The following EPHA6 variants were observed in gnomAD, a reference collection of about 807,000 sequenced individuals.
EPHA6 encodes the protein ephrin type-A receptor 6.
Under a neutral mutation model 112.0 loss-of-function variants are expected in EPHA6, and 50 were observed. The observed-to-expected ratio is 0.45, with a 90% CI of 0.36 to 0.56. The LOEUF is 0.56. EPHA6 is among the 20% of genes least tolerant of loss of function. EPHA6 has a pLI of 0.00. For missense variants in EPHA6, 1,280 were observed against 1,417.4 expected (o/e 0.90, Z 1.56); for synonymous variants, 529 against 490.7 (o/e 1.08, Z -1.03).
chr3:97,299,550 T>A (rs1187430182), intron 5 of EPHA6, among the ~76,000 whole-genome samples: 1 of 152,144 alleles, frequency 6.6e-6, no homozygotes, highest in Admixed American at 6.5e-5. Context: ...TAGATGAGTA[T>A]CTTTCTTATT....
At chr3:97,019,829 T>G (rs1308547083) in intron 3 of EPHA6, among the ~76,000 whole-genome samples, 4 of 152,152 alleles carry the variant, frequency 2.6e-5, no homozygotes, top group Non-Finnish European at 5.9e-5. Flanking sequence ...TATTATATTT[T>G]TGCTTTTCTT....
At chr3:97,596,785 T>C (rs891164397) in intron 12 of EPHA6, among the ~76,000 whole-genome samples, 16 of 94,336 alleles carry the variant, frequency 1.7e-4, no homozygotes, top group African/African-American at 1.3e-3. Context: ...TACATATATA[T>C]ATATATATAT....
chr3:97,319,674 A>C (rs144070014), intron 5 of EPHA6, among the ~76,000 whole-genome samples: 2,462 of 151,166 alleles, frequency 0.016, 83 homozygotes, highest in African/African-American at 0.054. Flanking sequence ...TCTCAAAAAA[A>C]AAAAAACAAA....
At chr3:97,413,357 G>A (rs1005507495) in intron 6 of EPHA6, among the ~76,000 whole-genome samples, 2 of 151,698 alleles carry the variant, frequency 1.3e-5, no homozygotes, top group Admixed American at 6.6e-5. Flanking sequence ...TCCAAAGGGG[G>A]TTTTGGGAAC....
chr3:97,098,613 T>C (rs149617970), intron 3 of EPHA6, among the ~76,000 whole-genome samples: 56 of 152,030 alleles, frequency 3.7e-4, no homozygotes, highest in Middle Eastern at 3.4e-3. Context: ...ACCTAACTTA[T>C]GATGAAAAAG....
At chr3:97,271,115 C>T (rs893659104) in intron 5 of EPHA6, among the ~76,000 whole-genome samples, 1 of 152,186 alleles carries the variant, frequency 6.6e-6, no homozygotes, top group African/African-American at 2.4e-5. Context: ...TATATCCAAA[C>T]AGACATTTCT....
chr3:96,972,118 A>G (rs1480940868), intron 2 of EPHA6, among the ~76,000 whole-genome samples: 2 of 152,074 alleles, frequency 1.3e-5, no homozygotes, highest in Admixed American at 6.6e-5. Context: ...TAATTTAAAA[A>G]CGCATTTAGT....
rs1553734918 is a variant in EPHA6, at chr3:96,936,164, A to AT, written c.451-51159dup. Reference sequence around the variant, plus strand: ...AAAAGTTTCTAGGAAAACAACATCTATTTTTTTAAATGGAAAGATATTTTT... The same window carrying AT: ...AAAAGTTTCTAGGAAAACAACATCTATTTTTTTTAAATGGAAAGATATTTTT... On this transcript the variant is annotated intron_variant, in intron 2 of 17. Transcript: ENST00000389672. 4.6e-5 allele frequency among the ~76,000 whole-genome samples: 7 copies of AT among 152,148 alleles called. No homozygotes were observed. In the South Asian group the frequency reaches 1.5e-3, roughly 32 times the overall value.
intron 1 of EPHA6, among the ~76,000 whole-genome samples, chr3:96,827,567 A>G (rs982232127): frequency 6.6e-6 from 1 of 152,216 alleles, no homozygotes; most frequent in African/African-American, 2.4e-5. Flanking sequence ...AAAGCAATTA[A>G]ACAGAATAGT....
At chr3:97,043,931 A>T (rs1203565290) in intron 3 of EPHA6, among the ~76,000 whole-genome samples, 1 of 152,146 alleles carries the variant, frequency 6.6e-6, no homozygotes, top group East Asian at 1.9e-4. Flanking sequence ...CACTGGTTGG[A>T]AATCCCAAAT....
chr3:97,168,972 G>C (rs2076616388), intron 3 of EPHA6, among the ~76,000 whole-genome samples: 1 of 152,152 alleles, frequency 6.6e-6, no homozygotes, highest in Non-Finnish European at 1.5e-5. Flanking sequence ...GTTATTTATA[G>C]CAGTGTGATA....
At chr3:97,591,804 T>C (rs926912816) in intron 11 of EPHA6, among the ~76,000 whole-genome samples, 2 of 152,158 alleles carry the variant, frequency 1.3e-5, no homozygotes, top group Non-Finnish European at 2.9e-5. Context: ...ATTTTTATTC[T>C]AGTGTGGGAA....
intron 6 of EPHA6, among the ~76,000 whole-genome samples, chr3:97,415,953 A>G (rs1445046995): frequency 2.6e-5 from 4 of 152,036 alleles, no homozygotes; most frequent in African/African-American, 9.7e-5. Flanking sequence ...TAATTTTGTA[A>G]TTATGGAGTT....
At chr3:97,237,934 G>A (rs1293431954) in intron 4 of EPHA6, among the ~76,000 whole-genome samples, 3 of 151,824 alleles carry the variant, frequency 2.0e-5, no homozygotes, top group African/African-American at 4.8e-5. Context: ...TTTCTCATTT[G>A]TGTGATTATG....
intron 5 of EPHA6, among the ~76,000 whole-genome samples, chr3:97,360,006 T>C (rs1029232969): frequency 6.6e-6 from 1 of 152,214 alleles, no homozygotes. Context: ...ACTACCCCTT[T>C]ATATCTGAAA....
At chr3:97,706,198 A>C (rs1394293891) in intron 14 of EPHA6, among the ~76,000 whole-genome samples, 1 of 152,178 alleles carries the variant, frequency 6.6e-6, no homozygotes, top group Non-Finnish European at 1.5e-5. Flanking sequence ...TTTTTATGAG[A>C]CATTTAGTGC....
At chr3:97,201,493 T>C (rs1352453543) in intron 3 of EPHA6, among the ~76,000 whole-genome samples, 4 of 152,236 alleles carry the variant, frequency 2.6e-5, no homozygotes, top group African/African-American at 9.6e-5. Flanking sequence ...TGTAAGCAAT[T>C]TTTGCAGGTC....
chr3:97,437,396 T>C (rs2107261378), intron 6 of EPHA6, among the ~76,000 whole-genome samples: 1 of 152,322 alleles, frequency 6.6e-6, no homozygotes, highest in South Asian at 2.1e-4. Flanking sequence ...GTTATAATGG[T>C]TTAACTTTGA....
At chr3:96,936,532 C>A (rs1381955937) in intron 2 of EPHA6, among the ~76,000 whole-genome samples, 2 of 150,664 alleles carry the variant, frequency 1.3e-5, no homozygotes, top group African/African-American at 4.9e-5. Context: ...TCTTTTTGTT[C>A]TGTACTTCAA....
Sources: allele counts gnomAD v4.1 joint callset (sites outside exome capture counted in the v4.1 genomes callset), GRCh38; gene constraint gnomAD v4.1.1; transcripts MANE v1.5; gene names NCBI Gene and HGNC (gene_info 2026-07-23, HGNC 2026-07-21).